CFAP44: variants seen among roughly 807,000 people sequenced by gnomAD.
CFAP44 encodes the protein cilia- and flagella-associated protein 44.
CFAP44 carries 134 observed loss-of-function variants against 216.2 expected under a neutral mutation model. That is an observed-to-expected ratio of 0.62 (90% confidence interval 0.54 to 0.72). CFAP44 has a LOEUF of 0.72. Among genes scored for constraint, CFAP44 ranks in the 30% least tolerant of loss-of-function variants. The pLI is 0.00. For synonymous variants in CFAP44, 700 were observed against 727.6 expected (o/e 0.96, Z 0.61); for missense variants, 2,035 against 2,182.1 (o/e 0.93, Z 1.34).
chr3:113,359,786 G>T (rs570907777), intron 21 of CFAP44, among the ~76,000 whole-genome samples: 1 of 151,988 alleles, frequency 6.6e-6, no homozygotes, highest in Admixed American at 6.6e-5. Flanking sequence ...ATGAAAAAAA[G>T]CTAACCACTA....
At chr3:113,394,210 A>G (rs1241933807) in intron 15 of CFAP44, among the ~76,000 whole-genome samples, 1 of 152,164 alleles carries the variant, frequency 6.6e-6, no homozygotes, top group African/African-American at 2.4e-5. Flanking sequence ...GCATTTTTTC[A>G]TATGTATAGA....
At chr3:113,299,963 C>A (rs1949918407) in intron 32 of CFAP44, among the ~76,000 whole-genome samples, 1 of 152,186 alleles carries the variant, frequency 6.6e-6, no homozygotes, top group African/African-American at 2.4e-5. Context: ...CCTGAGAGGT[C>A]AAGGCTGCAG....
Position 113,326,443 on chromosome 3 carries a change from A to T in CFAP44, c.4516+2T>A. On this transcript the variant is annotated splice_donor_variant, in intron 28 of 34. Transcript: ENST00000393845. LOFTEE classifies it high-confidence loss of function. Reference sequence around the variant, plus strand: ...GATCATATGCAAGAAAGAAATACAAACCAGCATCTCCTTCAACTTCTTTTT... The same window carrying T: ...GATCATATGCAAGAAAGAAATACAATCCAGCATCTCCTTCAACTTCTTTTT... 6.7e-7 allele frequency: 1 copy of T among 1,494,244 alleles called. No homozygotes were observed. Among genetic ancestry groups the T allele is most frequent in the Non-Finnish European group, 8.8e-7 (1 of 1,131,178 alleles). The allele number at this position is 1,494,244 out of a possible 1,614,324, so 92.6% of individuals were successfully genotyped here. A position where few individuals can be genotyped will look rare whatever the true frequency, so the allele number is the denominator to read the frequency against.
chr3:113,413,515 A>C (rs1333950561), intron 6 of CFAP44, among the ~76,000 whole-genome samples: 1 of 152,160 alleles, frequency 6.6e-6, no homozygotes, highest in Non-Finnish European at 1.5e-5. Flanking sequence ...TTTACATTTA[A>C]GTCTTTAATC....
intron 28 of CFAP44, among the ~76,000 whole-genome samples, chr3:113,315,873 C>T (rs372423033): frequency 1.3e-5 from 2 of 152,176 alleles, no homozygotes; most frequent in African/African-American, 4.8e-5. Context: ...TGAAGCCAAG[C>T]TAAGCTAAGC....
chr3:113,430,861 C>T (rs1935088385), intron 2 of CFAP44, among the ~76,000 whole-genome samples: 1 of 152,086 alleles, frequency 6.6e-6, no homozygotes, highest in African/African-American at 2.4e-5. Context: ...ATAAGGTCTG[C>T]AATAATTTAG....
chr3:113,427,528 G>T, intron 2 of CFAP44, 189 bp from the exon 3 acceptor site: 2 of 491,792 alleles, frequency 4.1e-6, no homozygotes, highest in African/African-American at 2.0e-5. Flanking sequence ...TTTTCTGTTT[G>T]TTAATCTCCA....
At chr3:113,401,216 A>C in intron 11 of CFAP44, 24 bp downstream of exon 11, 1 of 1,566,594 alleles carries the variant, frequency 6.4e-7, no homozygotes, top group South Asian at 1.2e-5. Flanking sequence ...AGTTAGGAGA[A>C]AATAAGAATA....
At chr3:113,406,305 G>A (rs1934276448) in intron 8 of CFAP44, among the ~76,000 whole-genome samples, 2 of 152,150 alleles carry the variant, frequency 1.3e-5, no homozygotes, top group South Asian at 2.1e-4. Context: ...CTTGGATCAC[G>A]ATAGCAAGAC....
intron 22 of CFAP44, among the ~76,000 whole-genome samples, chr3:113,352,043 T>C (rs575016794): frequency 4.5e-4 from 69 of 152,206 alleles, no homozygotes; most frequent in African/African-American, 1.6e-3. Context: ...CCAACAGCAG[T>C]TGGGGTGTCC....
rs58221881 is a variant in CFAP44 at position 113,433,429 on chromosome 3, CAAAAAAAAA to C, written c.100+127_100+135del. 7.1e-4 allele frequency: 91 copies of C among 127,780 alleles called. 1 individual carries two copies. Among genetic ancestry groups the C allele is most frequent in the Middle Eastern group, 5.2e-3 (2 of 386 alleles). The allele number at this position is 127,780 out of a possible 1,614,324, so 7.9% of individuals were successfully genotyped here. ...GGGCAACAAGAGCAAAACTCCATCT[CAAAAAAAAA>C]AAAAAAAAAAAAAAAAAAGATCTAT... On this transcript the variant is annotated intron_variant, in intron 2 of 34. Coordinates refer to ENST00000393845, the MANE Select transcript of CFAP44 (RefSeq NM_001164496.2).
intron 22 of CFAP44, among the ~76,000 whole-genome samples, chr3:113,358,022 C>T (rs1424342636): frequency 1.3e-5 from 2 of 152,062 alleles, no homozygotes; most frequent in Non-Finnish European, 1.5e-5. Context: ...GAATGAACTA[C>T]TGATACATGT....
rs1559902518 is a variant in CFAP44 at position 113,294,713 on chromosome 3, GA to G, written c.5346del (p.Arg1783GlyfsTer2). On this transcript the variant is annotated frameshift_variant, in exon 34 of 35. Transcript: ENST00000393845. LOFTEE classifies it low-confidence loss of function (END_TRUNC). ...DLCIEKKKLD[S>X]RLNTLQNQQG... is the part of the protein sequence containing the mutation. ...TGCTGATTCTGTAGTGTATTCAACC[GA>G]GAATCAAGTTTCTTCTTTTCAATAC... The G allele has an allele frequency of 6.5e-7, 1 of 1,535,368 alleles. No individual in the cohort carries two copies.
intron 5 of CFAP44, chr3:113,417,180 A>G (rs1420366085): frequency 6.6e-6 from 1 of 152,238 alleles, no homozygotes; most frequent in Non-Finnish European, 1.5e-5. Context: ...TTTGTATAGA[A>G]AAATTCATGG....
intron 22 of CFAP44, among the ~76,000 whole-genome samples, chr3:113,346,083 C>A (rs1950378658): frequency 6.6e-6 from 1 of 152,148 alleles, no homozygotes; most frequent in Non-Finnish European, 1.5e-5. Flanking sequence ...TTCTGTCTAG[C>A]TAGAGGATTG....
chr3:113,304,117 T>C lies in CFAP44; in HGVS notation c.4876A>G (p.Ile1626Val). Reference protein sequence around the residue: ...LVVIPLKLHQIEYVVFGEIPS... With the variant: ...LVVIPLKLHQVEYVVFGEIPS... ...ATTTCTCCAAATACCACATACTCTA[T>C]CTACAAGCATAAAACAAATCAAAAG... The change falls in exon 32 of 35, where the codon ATA (isoleucine) becomes GTA (valine). Residue 1626 changes from isoleucine to valine, a missense_variant and splice_region_variant. Ile to Val is a conservative substitution (Grantham distance 29, BLOSUM62 3). Coordinates refer to ENST00000393845, the MANE Select transcript of CFAP44 (RefSeq NM_001164496.2). The C allele has an allele frequency of 6.5e-7, 1 of 1,534,630 alleles. No individual in the cohort carries two copies. Among genetic ancestry groups the C allele is most frequent in the Non-Finnish European group, 8.7e-7 (1 of 1,145,478 alleles).
intron 15 of CFAP44, among the ~76,000 whole-genome samples, chr3:113,388,061 T>C (rs1933697308): frequency 6.6e-6 from 1 of 152,122 alleles, no homozygotes; most frequent in South Asian, 2.1e-4. Flanking sequence ...CTAAGGTTTC[T>C]GACTCCAGGC....
At chr3:113,388,780 AGGT>A (rs1007451531) in intron 15 of CFAP44, among the ~76,000 whole-genome samples, 2 of 152,204 alleles carry the variant, frequency 1.3e-5, no homozygotes, top group Non-Finnish European at 2.9e-5. Flanking sequence ...AAGACATAGA[AGGT>A]CATTATATAA....
chr3:113,320,641 T>G (rs935674963), intron 28 of CFAP44, among the ~76,000 whole-genome samples: 13 of 151,444 alleles, frequency 8.6e-5, no homozygotes, highest in Non-Finnish European at 1.3e-4. Flanking sequence ...AGTCACATGA[T>G]CACAAGGTCC....
Sources: allele counts gnomAD v4.1 joint callset (sites outside exome capture counted in the v4.1 genomes callset), GRCh38; gene constraint gnomAD v4.1.1; transcripts MANE v1.5; gene names NCBI Gene and HGNC (gene_info 2026-07-23, HGNC 2026-07-21).